Variants in TP53BP2 observed in about 807,000 individuals in gnomAD.
The protein encoded by TP53BP2 is tumor protein p53 binding protein 2.
A neutral mutation model predicts 126.2 loss-of-function variants in TP53BP2; 62 were observed. That is an observed-to-expected ratio of 0.49 (90% CI 0.40 to 0.61). TP53BP2 has a LOEUF of 0.61. TP53BP2 is among the 20% of genes least tolerant of loss of function. The pLI, the probability that TP53BP2 is intolerant of heterozygous loss-of-function variation, is 0.00. For missense variants in TP53BP2, 1,215 were observed against 1,402.8 expected, an observed-to-expected ratio of 0.87 and a Z score of 2.14; for synonymous variants, 485 against 502.9, an observed-to-expected ratio of 0.96 and a Z score of 0.48.
chr1:223,810,326 G>T, intron 4 of TP53BP2, 105 bp downstream of exon 4: 2 of 739,660 alleles, frequency 2.7e-6, no homozygotes, highest in Non-Finnish European at 4.1e-6. Context: ...TTAAAAAGCG[G>T]CCATCCTTAG....
chr1:223,788,423 T>C (rs1662043367), intron 16 of TP53BP2, among the ~76,000 whole-genome samples: 1 of 152,236 alleles, frequency 6.6e-6, no homozygotes, highest in Non-Finnish European at 1.5e-5. Context: ...ATTTTCCTTG[T>C]ATATACAAAT....
rs1662504854 is a variant in TP53BP2 at position 223,800,830 on chromosome 1, C to T, written c.1226-20G>A. 1 of 1,526,564 alleles carries T rather than the reference C, an allele frequency of 6.6e-7. No individual in the cohort carries two copies. Among genetic ancestry groups the T allele is most frequent in the East Asian group, 2.3e-5 (1 of 43,798 alleles). 94.6% of individuals were successfully genotyped at this position (1,526,564 alleles called of 1,614,324 possible). On this transcript the variant is annotated intron_variant, in intron 9 of 17. Coordinates refer to ENST00000343537, the MANE Select transcript of TP53BP2 (RefSeq NM_001031685.3). ...TAGAGCCTAAAATACAGAAAAGCAG[C>T]TACAAATAACTCAGCATTCTAAAGA...
intron 15 of TP53BP2, among the ~76,000 whole-genome samples, chr1:223,789,556 T>C (rs1662082270): frequency 6.6e-6 from 1 of 152,250 alleles, no homozygotes. Flanking sequence ...AGTCCTTAAG[T>C]TATTTAAGTT....
At chr1:223,820,956 T>C (rs1571866210) in intron 2 of TP53BP2, 1 of 519,652 alleles carries the variant, frequency 1.9e-6, no homozygotes, top group East Asian at 3.5e-5. Context: ...AAAGACACTG[T>C]TGAGCACCAT....
intron 16 of TP53BP2, among the ~76,000 whole-genome samples, chr1:223,786,592 G>C (rs551773603): frequency 1.3e-5 from 2 of 149,772 alleles, no homozygotes; most frequent in Non-Finnish European, 2.9e-5. Context: ...GTGTGTGTGT[G>C]TGTGTGTGTG....
Position 223,796,715 on chromosome 1 carries a change from T to G in TP53BP2, c.1949-125A>C. On this transcript the variant is annotated intron_variant, in intron 12 of 17. Transcript: ENST00000343537. This position sits in a 1 kb window ranked among gnomAD's most constrained non-coding sequence, Gnocchi z 4.2. Reference sequence around the variant, plus strand: ...TCATAGTTGTTACTACATAATCCCCTTCAAATATAATTAATTTTTAAAAAT... The same window carrying G: ...TCATAGTTGTTACTACATAATCCCCGTCAAATATAATTAATTTTTAAAAAT... 1 of 789,888 alleles carries G rather than the reference T, an allele frequency of 1.3e-6. No individual in the cohort carries two copies. 48.9% of individuals were successfully genotyped at this position (789,888 alleles called of 1,614,324 possible). A position where few individuals can be genotyped will look rare whatever the true frequency, so the allele number is the denominator to read the frequency against.
chr1:223,827,159 G>C (rs1371388131), intron 1 of TP53BP2, among the ~76,000 whole-genome samples: 1 of 152,144 alleles, frequency 6.6e-6, no homozygotes, highest in Non-Finnish European at 1.5e-5. Flanking sequence ...CAAGAGATGA[G>C]CATGCAGAGG....
chr1:223,841,878 T>G (rs909801616), intron 1 of TP53BP2, among the ~76,000 whole-genome samples: 1 of 151,960 alleles, frequency 6.6e-6, no homozygotes, highest in Non-Finnish European at 1.5e-5. Context: ...TCACTTCAAC[T>G]GAGCTTTTTA....
chr1:223,800,880 A>T (rs1558094626), intron 9 of TP53BP2, 70 bp from the exon 10 acceptor site: 1 of 1,130,828 alleles, frequency 8.8e-7, no homozygotes. Context: ...TTTACTGCTA[A>T]GACTTTTAAT....
rs945037742 is a variant in TP53BP2 at position 223,845,804 on chromosome 1, G to A, written c.-124C>T. 9 of 953,734 alleles carry A rather than the reference G, an allele frequency of 9.4e-6. No homozygotes were observed. The Admixed American group carries it at 1.4e-4, about 15-fold the overall frequency. The allele number at this position is 953,734 out of a possible 1,614,324, so 59.1% of individuals were successfully genotyped here. ...GTTGCGAGGCGGCGGCGGCGGCAGC[G>A]GCGGCGCGCGGGTCCGAAGGGCCCT... On this transcript the variant is annotated 5_prime_UTR_variant, in exon 1 of 18. Coordinates refer to ENST00000343537, the MANE Select transcript of TP53BP2 (RefSeq NM_001031685.3).
intron 16 of TP53BP2, among the ~76,000 whole-genome samples, chr1:223,786,541 A>T (rs1413711172): frequency 6.6e-6 from 1 of 151,954 alleles, no homozygotes; most frequent in Non-Finnish European, 1.5e-5. Flanking sequence ...AGCAAAACAC[A>T]TATTAACACA....
intron 1 of TP53BP2, among the ~76,000 whole-genome samples, chr1:223,837,978 G>C (rs566065749): frequency 1.6e-4 from 23 of 141,750 alleles, no homozygotes; most frequent in African/African-American, 5.9e-4. Context: ...CCCGGCCTCT[G>C]CACCAGTCCC....
At chr1:223,843,761 G>C (rs1037856164) in intron 1 of TP53BP2, among the ~76,000 whole-genome samples, 5 of 151,994 alleles carry the variant, frequency 3.3e-5, no homozygotes, top group African/African-American at 1.2e-4. Context: ...AAAAATCCAA[G>C]CATATGAAAA....
chr1:223,809,731 G>A (rs1040048470), intron 4 of TP53BP2, among the ~76,000 whole-genome samples: 6 of 152,016 alleles, frequency 3.9e-5, no homozygotes, highest in African/African-American at 1.4e-4. Context: ...ATCCCTAATG[G>A]CACTAAAAAT....
chr1:223,835,940 G>A (rs114178272), intron 1 of TP53BP2, among the ~76,000 whole-genome samples: 298 of 152,184 alleles, frequency 2.0e-3, no homozygotes, highest in African/African-American at 6.0e-3. Context: ...TCCAAGCAGT[G>A]GAAGAAGGCT....
At chr1:223,794,598 G>A (rs1415583844) in intron 13 of TP53BP2, among the ~76,000 whole-genome samples, 3 of 152,086 alleles carry the variant, frequency 2.0e-5, no homozygotes, top group African/African-American at 7.2e-5. Flanking sequence ...TTGAAAATGT[G>A]GATTATTTTG....
rs560308948 is a variant in TP53BP2 at position 223,808,004 on chromosome 1, T to C, written c.373-1057A>G. Among the ~76,000 whole-genome samples, 31 of 152,256 alleles carry C rather than the reference T, an allele frequency of 2.0e-4. No individual in the cohort carries two copies. The South Asian group carries it at 6.4e-3, about 32-fold the overall frequency. On this transcript the variant is annotated intron_variant, in intron 4 of 17. Coordinates refer to ENST00000343537, the MANE Select transcript of TP53BP2 (RefSeq NM_001031685.3). Reference sequence around the variant, plus strand: ...TCTGAAAAGAATCAAGCTGGAAAACTTACACTACCTGACTTCAAGACTTAT... The same window carrying C: ...TCTGAAAAGAATCAAGCTGGAAAACCTACACTACCTGACTTCAAGACTTAT...
chr1:223,845,625 C>A, intron 1 of TP53BP2, 29 bp downstream of exon 1: 1 of 1,543,772 alleles, frequency 6.5e-7, no homozygotes, highest in Non-Finnish European at 8.7e-7. Context: ...CACTTCCGGG[C>A]CCGACGCCCT....
At chr1:223,814,679 T>A (rs755095112) in intron 2 of TP53BP2, among the ~76,000 whole-genome samples, 5 of 152,204 alleles carry the variant, frequency 3.3e-5, no homozygotes, top group Non-Finnish European at 5.9e-5. Flanking sequence ...CTGTAAAATC[T>A]ATATTAGATC....
Sources: allele counts gnomAD v4.1 joint callset (sites outside exome capture counted in the v4.1 genomes callset), GRCh38; gene constraint gnomAD v4.1.1; non-coding constraint Gnocchi (gnomAD v3.1); transcripts MANE v1.5; gene names NCBI Gene and HGNC (gene_info 2026-07-23, HGNC 2026-07-21).